Variants in KCP observed in about 807,000 individuals in gnomAD.
KCP encodes kielin/chordin-like protein.
Under a neutral mutation model 212.7 loss-of-function variants are expected in KCP, and 194 were observed. The ratio of observed to expected loss-of-function variants is 0.91; its 90% CI spans 0.81 to 1.03. The LOEUF (loss-of-function observed/expected upper bound fraction) is 1.03. Among genes scored for constraint, KCP ranks in the 50% least tolerant of loss-of-function variants. The pLI is 0.00. For missense variants in KCP, 2,080 were observed against 2,162.5 expected, an observed-to-expected ratio of 0.96 and a Z score of 0.76; for synonymous variants, 833 against 865.3, an observed-to-expected ratio of 0.96 and a Z score of 0.65.
chr7:128,890,954 G>T lies in KCP; in HGVS notation c.2115C>A (p.Pro705=). 8.0e-7 allele frequency: 1 copy of T among 1,255,662 alleles called. No individual in the cohort carries two copies. 77.8% of individuals were successfully genotyped at this position (1,255,662 alleles called of 1,614,324 possible). ...SVSCQRLPCP[P]APCAHPRQGP... is the part of the protein sequence containing the mutation. ...CCTGGCGCGGGTGCGCGCAGGGCGC[G>T]GGCGGGCAGGGCAGCCGCTGGCAGG... The change falls in exon 20 of 40, where the codon CCC becomes CCA. Residue 705 remains proline, a synonymous_variant. Transcript: ENST00000610776.
At chr7:128,906,199 G>C in intron 5 of KCP, 80 bp downstream of exon 5, 1 of 1,224,802 alleles carries the variant, frequency 8.2e-7, no homozygotes, top group South Asian at 1.3e-5. Context: ...GCATGTCCCA[G>C]ACTCACTGAG....
At chr7:128,902,636 G>C in intron 8 of KCP, 141 bp downstream of exon 8, 2 of 760,920 alleles carry the variant, frequency 2.6e-6, no homozygotes, top group Non-Finnish European at 4.4e-6. Context: ...CGCCTGCACA[G>C]CCCCCAGCAG....
chr7:128,877,475 C>A lies in KCP; in HGVS notation c.4618+9G>T, dbSNP rs1324014910. ...CTCCCCCAACCTGCAGCGGGCATCA[C>A]CCCCTCACCACACAGCGTGGGGCCT... On this transcript the variant is annotated intron_variant, in intron 39 of 39. Transcript: ENST00000610776. The A allele has an allele frequency of 6.4e-7, 1 of 1,550,630 alleles. No individual in the cohort carries two copies. Among genetic ancestry groups the A allele is most frequent in the Non-Finnish European group, 8.7e-7 (1 of 1,146,712 alleles).
At chr7:128,879,399 C>A in intron 37 of KCP, 123 bp downstream of exon 37, 1 of 757,302 alleles carries the variant, frequency 1.3e-6, no homozygotes, top group Non-Finnish European at 2.2e-6. Context: ...CCCCTGTACC[C>A]CACTCCTTGC....
At chr7:128,901,968 C>A (rs1232453015) in intron 8 of KCP, among the ~76,000 whole-genome samples, 1 of 152,256 alleles carries the variant, frequency 6.6e-6, no homozygotes, top group Non-Finnish European at 1.5e-5. Context: ...TAAGTAAACA[C>A]CACCCCACCC....
At chr7:128,909,962 A>G (rs1372533558) in intron 1 of KCP, among the ~76,000 whole-genome samples, 1 of 151,978 alleles carries the variant, frequency 6.6e-6, no homozygotes, top group Admixed American at 6.6e-5. Flanking sequence ...CCTTCTACCC[A>G]ATCTAGACTC....
At chr7:128,887,107 G>A (rs1585208396) in intron 23 of KCP, 108 bp downstream of exon 23, 1 of 1,122,148 alleles carries the variant, frequency 8.9e-7, no homozygotes, top group East Asian at 2.6e-5. Flanking sequence ...GAGATGTGAA[G>A]GGCAGAGTGT....
chr7:128,900,490 C>T (rs1794784934), intron 8 of KCP, among the ~76,000 whole-genome samples: 1 of 152,220 alleles, frequency 6.6e-6, no homozygotes, highest in African/African-American at 2.4e-5. Flanking sequence ...CCCATATCAG[C>T]TTGGTTCCAA....
chr7:128,879,915 G>T lies in KCP; in HGVS notation c.3930C>A (p.Phe1310Leu), dbSNP rs1263103877. ...GAAGAGAGACAGGGGATGCACACCT[G>T]AAGTCCCCGCTGTGGCAGTCCTTGG... ...VLAKDCHSGD[F>L]SVHVTNDDRG... is the part of the protein sequence containing the mutation. The change falls in exon 35 of 40, where the codon TTC (phenylalanine) becomes TTA (leucine). Residue 1310 changes from phenylalanine (F) to leucine (L), a missense_variant and splice_region_variant. By Grantham distance (22) the Phe-to-Leu change is conservative. Transcript: ENST00000610776. 2.6e-6 allele frequency: 4 copies of T among 1,551,172 alleles called. No individual in the cohort carries two copies. The Admixed American group carries it at 5.9e-5, about 23-fold the overall frequency.
Position 128,902,831 on chromosome 7 carries a change from T to C in KCP, c.777A>G (p.Glu259=), listed in dbSNP as rs1794931292. The change falls in exon 8 of 40, where the codon GAA becomes GAG. Residue 259 remains glutamate (E), a synonymous_variant. Coordinates refer to ENST00000610776, the MANE Select transcript of KCP (RefSeq NM_001366122.1). ...QGCTEGGSHW[E]HGQEWTTPGD... ...CAGGTGTTGTCCACTCTTGGCCATG[T>C]TCCCAGTGAGAGCCACCTTCTGTGC... The C allele has an allele frequency of 1.3e-6, 2 of 1,551,372 alleles. No individual in the cohort carries two copies. The highest frequency in any genetic ancestry group is 1.7e-6 in the Non-Finnish European group (2 of 1,146,936).
chr7:128,876,999 G>A lies in KCP; in HGVS notation c.*44C>T, dbSNP rs1793025329. 6.6e-7 allele frequency: 1 copy of A among 1,524,690 alleles called. No homozygotes were observed. Among genetic ancestry groups the A allele is most frequent in the Non-Finnish European group, 8.8e-7 (1 of 1,139,730 alleles). 94.4% of individuals were successfully genotyped at this position (1,524,690 alleles called of 1,614,324 possible). ...CCAGGGTGGGAACTGCTCGCCAAGG[G>A]GAGACTCCTGGCCTGATGAACCCTT... On this transcript the variant is annotated 3_prime_UTR_variant, in exon 40 of 40. Coordinates refer to ENST00000610776, the MANE Select transcript of KCP (RefSeq NM_001366122.1).
At chr7:128,908,127 TC>T (rs1198684587) in intron 2 of KCP, among the ~76,000 whole-genome samples, 6 of 64,872 alleles carry the variant, frequency 9.2e-5, no homozygotes, top group South Asian at 5.0e-4. Context: ...TGACTCCATC[TC>T]AAAAAAAAAA....
chr7:128,878,932 A>G, intron 37 of KCP: 1 of 529,484 alleles, frequency 1.9e-6, no homozygotes, highest in East Asian at 3.1e-5. Flanking sequence ...GACAGATGAC[A>G]GGAGGAGCTG....
chr7:128,904,082 T>A lies in KCP; in HGVS notation c.628A>T (p.Asn210Tyr), dbSNP rs750938239. 6.4e-7 allele frequency: 1 copy of A among 1,551,388 alleles called. No homozygotes were observed. The highest frequency in any genetic ancestry group is 8.7e-7 in the Non-Finnish European group (1 of 1,146,916). ...AGGCAGGTGCACTGTAGACAAGGGT[T>A]GGAGCTGGACAGGAAGGTGACCCCC... ...EEGVTFLSSSNPCLQCTCLRS... is the reference protein window; with the variant it reads ...EEGVTFLSSSYPCLQCTCLRS... Residue 210 changes from asparagine to tyrosine, a missense_variant, in exon 6 of 40, where the codon AAC becomes TAC. Physicochemically the swap from Asn to Tyr is moderately radical, Grantham distance 143 (BLOSUM62 -2). Coordinates refer to ENST00000610776, the MANE Select transcript of KCP (RefSeq NM_001366122.1).
chr7:128,910,534 A>T, intron 1 of KCP, 67 bp downstream of exon 1: 3 of 1,403,498 alleles, frequency 2.1e-6, no homozygotes, highest in Non-Finnish European at 2.8e-6. Context: ...CGGCCCCCTC[A>T]GGCCGGGCTG....
At position 128,892,792 on chromosome 7, in the gene KCP, C is replaced by T. The variant is rs1185273280; in HGVS notation, c.1423G>A (p.Ala475Thr). The part of the protein sequence containing the change: ...PCQHPTQPPG[A>T]CCPSCDSCTY... ...CAGCTGTCACAGCTGGGGCAGCAGG[C>T]ACCTGGGTGGGGCAGGCTGGTCAGG... is the stretch of plus-strand genomic sequence containing the variant. The change falls in exon 15 of 40, where the codon GCC becomes ACC. Residue 475 changes from alanine to threonine, a missense_variant and splice_region_variant. Ala to Thr is a moderately conservative substitution (Grantham distance 58, BLOSUM62 0). Transcript: ENST00000610776. The T allele has an allele frequency of 2.6e-5, 40 of 1,551,650 alleles. No individual in the cohort carries two copies. The highest frequency in any genetic ancestry group is 3.5e-5 in the Non-Finnish European group (40 of 1,146,918).
intron 32 of KCP, 30 bp downstream of exon 32, chr7:128,880,967 C>A (rs1303221623): frequency 2.5e-6 from 1 of 398,862 alleles, no homozygotes; most frequent in Non-Finnish European, 4.4e-6. Flanking sequence ...CTGCGAGATC[C>A]TCCACCCTCC....
chr7:128,899,851 A>C, intron 8 of KCP, among the ~76,000 whole-genome samples: 1 of 152,196 alleles, frequency 6.6e-6, no homozygotes, highest in African/African-American at 2.4e-5. Flanking sequence ...CATGTAAGGA[A>C]TCATGATTCC....
At chr7:128,894,314 G>A (rs1794387637) in intron 8 of KCP, 21 bp from the exon 9 acceptor site, 2 of 1,510,344 alleles carry the variant, frequency 1.3e-6, no homozygotes, top group Admixed American at 4.2e-5. Flanking sequence ...GAATGAACAG[G>A]GGAAGGGGCC....
Sources: gnomAD v4.1 joint callset for allele counts (sites outside exome capture counted in the v4.1 genomes callset) on GRCh38, gnomAD v4.1.1 for gene constraint, MANE v1.5 for transcripts, NCBI Gene and HGNC (gene_info 2026-07-23, HGNC 2026-07-21) for gene names.